ARSG: variants seen among roughly 807,000 people sequenced by gnomAD.
ARSG encodes arylsulfatase G.
ARSG carries 37 observed loss-of-function variants against 50.5 expected under a neutral mutation model. The observed-to-expected ratio is 0.73, with a 90% CI of 0.56 to 0.96. The LOEUF is 0.96. Among genes scored for constraint, ARSG ranks in the 50% least tolerant of loss-of-function variants. The pLI is 0.00. For synonymous variants in ARSG, 225 were observed against 254.6 expected (o/e 0.88, Z 1.11); for missense variants, 629 against 675.3 (o/e 0.93, Z 0.76).
chr17:68,361,864 C>G (rs1217047588), intron 6 of ARSG, among the ~76,000 whole-genome samples: 2 of 152,018 alleles, frequency 1.3e-5, no homozygotes, highest in African/African-American at 2.4e-5. Context: ...TGCAGTGAGC[C>G]GAGATCATGC....
At chr17:68,394,575 A>G (rs1437655515) in intron 9 of ARSG, among the ~76,000 whole-genome samples, 4 of 152,186 alleles carry the variant, frequency 2.6e-5, no homozygotes, top group African/African-American at 9.7e-5. Context: ...TCAAGGTTAC[A>G]GTGAGTTATG....
intron 1 of ARSG, among the ~76,000 whole-genome samples, chr17:68,293,923 A>G (rs1284470915): frequency 1.3e-5 from 2 of 152,148 alleles, no homozygotes; most frequent in African/African-American, 2.4e-5. Flanking sequence ...TTGTTCCCTC[A>G]ATCCTAGTGA....
intron 11 of ARSG, among the ~76,000 whole-genome samples, chr17:68,407,397 T>A (rs1469380146): frequency 5.9e-5 from 9 of 152,174 alleles, no homozygotes; most frequent in Admixed American, 5.9e-4. Flanking sequence ...CTGTGAAGAA[T>A]GATGGTGGTA....
chr17:68,432,397 C>T, the ARSG span, among the ~76,000 whole-genome samples: 2 of 152,194 alleles, frequency 1.3e-5, no homozygotes, highest in Non-Finnish European at 2.9e-5. Flanking sequence ...AATCTTGGCA[C>T]CTCTCTTTCA....
chr17:68,324,665 T>C (rs1370389505), intron 2 of ARSG, among the ~76,000 whole-genome samples: 1 of 152,218 alleles, frequency 6.6e-6, no homozygotes, highest in Non-Finnish European at 1.5e-5. Flanking sequence ...TGGAAAGCTA[T>C]TTAAACTCTC....
At chr17:68,341,417 T>G (rs538775434) in intron 2 of ARSG, among the ~76,000 whole-genome samples, 1 of 152,360 alleles carries the variant, frequency 6.6e-6, no homozygotes, top group South Asian at 2.1e-4. Flanking sequence ...CCTCCCCTTG[T>G]GGGAAACCAT....
chr17:68,403,523 T>C (rs111462259), intron 11 of ARSG, among the ~76,000 whole-genome samples: 4,643 of 152,236 alleles, frequency 0.03, 196 homozygotes, highest in African/African-American at 0.097. Flanking sequence ...ATATTTGCAT[T>C]CCAGTTACTT....
chr17:68,313,580 A>G (rs551294851), intron 2 of ARSG, among the ~76,000 whole-genome samples: 1 of 152,058 alleles, frequency 6.6e-6, no homozygotes. Context: ...CGAAGACGCT[A>G]TCTCCAAATA....
chr17:68,361,848 G>A (rs1035678030), intron 6 of ARSG, among the ~76,000 whole-genome samples: 6 of 152,184 alleles, frequency 3.9e-5, no homozygotes, highest in East Asian at 1.9e-4. Context: ...CCCAGGAGAC[G>A]GAGGTTGCAG....
At chr17:68,291,359 G>T (rs1368342987), upstream of ARSG, 1 of 143,790 alleles carries the variant, frequency 7.0e-6, no homozygotes, top group Non-Finnish European at 1.5e-5. Context: ...CCCGCGCCCC[G>T]GCCCCGCGTC....
chr17:68,278,824 T>G (rs1293356401), intron 1 of ARSG, among the ~76,000 whole-genome samples: 1 of 152,096 alleles, frequency 6.6e-6, no homozygotes, highest in Non-Finnish European at 1.5e-5. Flanking sequence ...TTTGCCATGT[T>G]GGCCAGGCTG....
chr17:68,343,736 C>T lies in ARSG; in HGVS notation c.351C>T (p.Asn117=), dbSNP rs755440237. ...CTTCTGTGGGAGGCCTTCCGCTCAA[C>T]GAGACCACCTTGGCAGAGGTGCTGC... ...AVTSVGGLPL[N]ETTLAEVLQQ... is the part of the protein sequence containing the mutation. The change falls in exon 3 of 12, where the codon AAC becomes AAT. Residue 117 remains asparagine, a synonymous_variant. Coordinates refer to ENST00000621439, the MANE Select transcript of ARSG (RefSeq NM_001267727.2). 29 of 1,614,026 alleles carry T rather than the reference C, an allele frequency of 1.8e-5. No individual in the cohort carries two copies. The highest frequency in any genetic ancestry group is 5.5e-5 in the South Asian group (5 of 91,082).
At chr17:68,329,233 G>A (rs1209090809) in intron 2 of ARSG, among the ~76,000 whole-genome samples, 1 of 152,218 alleles carries the variant, frequency 6.6e-6, no homozygotes, top group Non-Finnish European at 1.5e-5. Context: ...CCAGCTGGGG[G>A]TGTTCTAGAA....
intron 11 of ARSG, among the ~76,000 whole-genome samples, chr17:68,405,083 A>G (rs1247976248): frequency 4.8e-5 from 7 of 144,480 alleles, no homozygotes; most frequent in Non-Finnish European, 9.0e-5. Flanking sequence ...ATTACTGTAG[A>G]CTTGTTGCAG....
In ARSG at chr17:68,271,689, A is replaced by C; in HGVS notation, c.-552+12263A>C. ...GCAGGAGTGAAGAAGAAATAATATA[A>C]GGTCAATAATGGACTCAAGACCCAG... is the stretch of plus-strand genomic sequence containing the variant. On this transcript the variant is annotated intron_variant, in intron 1 of 11. Transcript: ENST00000448504. This position sits in a 1 kb window ranked among gnomAD's most constrained non-coding sequence, Gnocchi z 5.3. The C allele has an allele frequency of 6.4e-7, 1 of 1,560,290 alleles. No individual in the cohort carries two copies. Among genetic ancestry groups the C allele is most frequent in the Non-Finnish European group, 8.8e-7 (1 of 1,139,672 alleles).
downstream of ARSG, chr17:68,426,099 A>C: frequency 6.2e-7 from 1 of 1,612,698 alleles, no homozygotes; most frequent in Non-Finnish European, 8.5e-7. Flanking sequence ...TCTCATCATC[A>C]AGACACACTG....
At chr17:68,303,157 C>T (rs1362615460) in intron 1 of ARSG, among the ~76,000 whole-genome samples, 1 of 152,200 alleles carries the variant, frequency 6.6e-6, no homozygotes, top group African/African-American at 2.4e-5. Flanking sequence ...CAGGATCTTG[C>T]TCTGTTGCCC....
chr17:68,284,585 G>A (rs1176824063), intron 1 of ARSG, among the ~76,000 whole-genome samples: 1 of 152,032 alleles, frequency 6.6e-6, no homozygotes, highest in African/African-American at 2.4e-5. Flanking sequence ...AAAATAACAG[G>A]ACACAACCTC....
downstream of ARSG, chr17:68,426,253 G>GGGGCCCCCCCCC: frequency 1.2e-6 from 1 of 841,016 alleles, no homozygotes; most frequent in Non-Finnish European, 1.9e-6. Context: ...GGGGAGCGGG[G>GGGGCCCCCCCCC]GCTCAAATAA....
Sources: allele counts gnomAD v4.1 joint callset (sites outside exome capture counted in the v4.1 genomes callset), GRCh38; gene constraint gnomAD v4.1.1; non-coding constraint Gnocchi (gnomAD v3.1); transcripts MANE v1.5; gene names NCBI Gene and HGNC (gene_info 2026-07-23, HGNC 2026-07-21).